AOPEP: variants seen among roughly 807,000 people sequenced by gnomAD.
The protein encoded by AOPEP is aminopeptidase O.
Under a neutral mutation model 98.1 loss-of-function variants are expected in AOPEP, and 77 were observed. The observed-to-expected ratio is 0.78, with a 90% CI of 0.65 to 0.95. The LOEUF is 0.95. Ranked by LOEUF, AOPEP falls within the 40% of genes least tolerant of loss-of-function variation. AOPEP has a pLI of 0.00. For missense variants in AOPEP, 1,024 were observed against 1,024.7 expected (o/e 1.00, Z 0.01); for synonymous variants, 346 against 365.3 (o/e 0.95, Z 0.60).
chr9:95,117,913 A>T, the AOPEP span, among the ~76,000 whole-genome samples: 1 of 151,936 alleles, frequency 6.6e-6, no homozygotes, highest in South Asian at 2.1e-4. Context: ...GTAGAGACAG[A>T]GTTTCTCCAT....
At chr9:94,907,904 C>CT (rs761233590) in intron 5 of AOPEP, among the ~76,000 whole-genome samples, 1 of 152,174 alleles carries the variant, frequency 6.6e-6, no homozygotes, top group Non-Finnish European at 1.5e-5. Context: ...GGAGGTTACT[C>CT]TAAGTGCCCT....
intron 7 of AOPEP, among the ~76,000 whole-genome samples, chr9:94,937,520 G>C (rs2056447904): frequency 6.6e-6 from 1 of 152,212 alleles, no homozygotes; most frequent in African/African-American, 2.4e-5. Flanking sequence ...CTGAGGTACA[G>C]GGGGATATGG....
At chr9:95,141,998 T>G in the AOPEP span, among the ~76,000 whole-genome samples, 488 of 142,580 alleles carry the variant, frequency 3.4e-3, 5 homozygotes, top group African/African-American at 0.012. Context: ...TTTTTTTTTT[T>G]TTTTTTTTTT....
chr9:94,832,785 C>T (rs1856278154), intron 5 of AOPEP, among the ~76,000 whole-genome samples: 1 of 149,590 alleles, frequency 6.7e-6, no homozygotes, highest in Non-Finnish European at 1.5e-5. Flanking sequence ...AATGTCAATT[C>T]CATTGGACTT....
At chr9:95,091,606 A>G (rs1229540850), downstream of AOPEP, among the ~76,000 whole-genome samples, 2 of 152,160 alleles carry the variant, frequency 1.3e-5, no homozygotes, top group Non-Finnish European at 2.9e-5. Context: ...CCCGCGGGAC[A>G]GTGACCTTGG....
At chr9:94,865,877 T>G (rs1406435498) in intron 5 of AOPEP, among the ~76,000 whole-genome samples, 1 of 152,198 alleles carries the variant, frequency 6.6e-6, no homozygotes, top group African/African-American at 2.4e-5. Context: ...AAATTATACT[T>G]GATAATAACC....
intron 4 of AOPEP, among the ~76,000 whole-genome samples, chr9:94,799,217 A>G (rs532018946): frequency 2.0e-5 from 3 of 152,326 alleles, no homozygotes; most frequent in African/African-American, 4.8e-5. Flanking sequence ...ACATGCCAGC[A>G]TCTTAAGATT....
intron 5 of AOPEP, among the ~76,000 whole-genome samples, chr9:94,909,443 C>G (rs1439441645): frequency 6.7e-6 from 1 of 149,054 alleles, no homozygotes; most frequent in Non-Finnish European, 1.5e-5. Flanking sequence ...AGCTTTTATA[C>G]TTAGAAAATA....
At chr9:94,825,288 C>T (rs1465390998) in intron 5 of AOPEP, among the ~76,000 whole-genome samples, 2 of 152,194 alleles carry the variant, frequency 1.3e-5, no homozygotes, top group Admixed American at 6.5e-5. Context: ...GAAGACCAGC[C>T]CCGCATCCTG....
At chr9:94,788,290 G>C (rs1361598616) in intron 3 of AOPEP, among the ~76,000 whole-genome samples, 4 of 152,040 alleles carry the variant, frequency 2.6e-5, no homozygotes, top group Non-Finnish European at 5.9e-5. Flanking sequence ...TGTTGCCCAG[G>C]CTGGTCTTGA....
intron 5 of AOPEP, among the ~76,000 whole-genome samples, chr9:94,914,993 C>G (rs2052599545): frequency 6.6e-6 from 1 of 152,206 alleles, no homozygotes; most frequent in African/African-American, 2.4e-5. Flanking sequence ...GTTTTCTTAT[C>G]TAGCGGACCT....
intron 9 of AOPEP, among the ~76,000 whole-genome samples, chr9:94,965,266 G>A (rs541760754): frequency 3.3e-5 from 5 of 152,242 alleles, no homozygotes; most frequent in East Asian, 3.9e-4. Context: ...TTTTCTTTGC[G>A]TGGTCCATTT....
chr9:94,983,692 T>G (rs2060335040), intron 11 of AOPEP, among the ~76,000 whole-genome samples: 1 of 152,168 alleles, frequency 6.6e-6, no homozygotes, highest in African/African-American at 2.4e-5. Flanking sequence ...ATTCGCCCGC[T>G]CACGACTGTC....
chr9:94,945,041 C>T lies in AOPEP; in HGVS notation c.1662-10136C>T, dbSNP rs145313454. Reference sequence around the variant, plus strand: ...TGGAAAAAGAAATTAGGGCAGGAGGCGACTGGTGACCTCCGAGGTTTGGAT... The same window carrying T: ...TGGAAAAAGAAATTAGGGCAGGAGGTGACTGGTGACCTCCGAGGTTTGGAT... On this transcript the variant is annotated intron_variant, in intron 7 of 16. Transcript: ENST00000375315. Among the ~76,000 whole-genome samples the T allele has an allele frequency of 5.9e-5, 9 of 152,236 alleles. 1 individual carries two copies. The East Asian group carries it at 1.2e-3, about 20-fold the overall frequency.
the AOPEP span, among the ~76,000 whole-genome samples, chr9:95,121,287 G>A: frequency 6.6e-6 from 1 of 152,084 alleles, no homozygotes; most frequent in Non-Finnish European, 1.5e-5. Context: ...TGTCTGATAG[G>A]GCATATTGAT....
intron 1 of AOPEP, among the ~76,000 whole-genome samples, chr9:94,759,018 C>T (rs938035848): frequency 6.6e-6 from 1 of 151,606 alleles, no homozygotes; most frequent in Non-Finnish European, 1.5e-5. Flanking sequence ...TAATGATATA[C>T]CTTGAGTATT....
intron 7 of AOPEP, among the ~76,000 whole-genome samples, chr9:94,944,285 A>G (rs1010717189): frequency 6.6e-6 from 1 of 152,240 alleles, no homozygotes; most frequent in Non-Finnish European, 1.5e-5. Flanking sequence ...TCATATGCAA[A>G]TGTTCATAAC....
chr9:95,110,968 T>C, the AOPEP span: 1 of 1,405,662 alleles, frequency 7.1e-7, no homozygotes, highest in South Asian at 1.6e-5. Flanking sequence ...CTGATTACTT[T>C]AGTAAGAGAT....
the AOPEP span, among the ~76,000 whole-genome samples, chr9:95,106,283 GT>G: frequency 2.6e-5 from 4 of 152,282 alleles, no homozygotes; most frequent in Admixed American, 2.0e-4. Context: ...GTCTGTTCAA[GT>G]CCTTTGCCCA....
Sources: gnomAD v4.1 joint callset for allele counts (sites outside exome capture counted in the v4.1 genomes callset) on GRCh38, gnomAD v4.1.1 for gene constraint, MANE v1.5 for transcripts, NCBI Gene and HGNC (gene_info 2026-07-23, HGNC 2026-07-21) for gene names.